Variants in CHRNA1 observed in about 807,000 individuals in gnomAD.
The protein encoded by CHRNA1 is acetylcholine receptor subunit alpha.
In CHRNA1, 35 loss-of-function variants were observed where a neutral mutation model predicts 47.1. That is an observed-to-expected ratio of 0.74 (90% CI 0.57 to 0.99). CHRNA1 has a LOEUF of 0.99. CHRNA1 is among the 50% of genes least tolerant of loss of function. The pLI is 0.00. For synonymous variants in CHRNA1, 229 were observed against 223.6 expected (o/e 1.02, Z -0.22); for missense variants, 506 against 591.1 (o/e 0.86, Z 1.49).
At chr2:174,748,881 G>A (rs1262038022) in intron 7 of CHRNA1, 62 bp from the exon 8 acceptor site, 7 of 1,596,152 alleles carry the variant, frequency 4.4e-6, no homozygotes, top group Non-Finnish European at 5.1e-6. Context: ...ATAAAACTCT[G>A]TCTTTGAATT....
chr2:174,763,920 C>T (rs1391890583), intron 1 of CHRNA1, among the ~76,000 whole-genome samples: 1 of 152,016 alleles, frequency 6.6e-6, no homozygotes, highest in Admixed American at 6.6e-5. Flanking sequence ...TATTAGAATT[C>T]TCCTGGAGCA....
intron 7 of CHRNA1, among the ~76,000 whole-genome samples, chr2:174,749,304 ACTCTTACTCTC>A (rs112824984): frequency 0.02 from 3,065 of 152,246 alleles, 102 homozygotes; most frequent in African/African-American, 0.069. Flanking sequence ...AGAAACAGGG[ACTCTTACTCTC>A]CTCTTAAAAG....
At position 174,754,229 on chromosome 2, in the gene CHRNA1, G is replaced by T. The variant is rs1487449348; in HGVS notation, c.530C>A (p.Ala177Asp). ...GTWTYDGSVV[A>D]INPESDQPDL... The stretch of plus-strand genomic sequence containing the variant: ...GTGGCCACCACCTACCGGGTTGATG[G>T]CCACGACAGAGCCGTCGTAGGTCCA... The change falls in exon 5 of 9, where the codon GCC becomes GAC. Residue 177 changes from alanine (A) to aspartate (D), a missense_variant. Transcript: ENST00000348749. The T allele has an allele frequency of 4.3e-6, 7 of 1,613,382 alleles. No individual in the cohort carries two copies. The Admixed American group carries it at 1.0e-4, about 23-fold the overall frequency.
chr2:174,763,328 G>GCACA (rs754957112), intron 1 of CHRNA1, among the ~76,000 whole-genome samples: 12,109 of 121,424 alleles, frequency 0.1, 498 homozygotes, highest in South Asian at 0.21. Flanking sequence ...GTGCACGCGC[G>GCACA]CGCACACACA....
intron 7 of CHRNA1, among the ~76,000 whole-genome samples, chr2:174,749,651 G>C (rs992104545): frequency 6.6e-6 from 1 of 152,106 alleles, no homozygotes; most frequent in East Asian, 1.9e-4. Context: ...AGAATTTCAC[G>C]GCATTTCAAT....
At chr2:174,757,536 C>G in intron 4 of CHRNA1, 30 bp downstream of exon 4, 1 of 1,550,082 alleles carries the variant, frequency 6.5e-7, no homozygotes, top group East Asian at 2.2e-5. Flanking sequence ...GCCCCAGGAG[C>G]ACCCTCCGCC....
chr2:174,749,589 A>G (rs1024366101), intron 7 of CHRNA1, among the ~76,000 whole-genome samples: 1 of 152,232 alleles, frequency 6.6e-6, no homozygotes, highest in Non-Finnish European at 1.5e-5. Flanking sequence ...TTTCACCAGC[A>G]AAAAATAAGC....
chr2:174,753,473 A>C, intron 6 of CHRNA1, 30 bp downstream of exon 6: 1 of 1,577,908 alleles, frequency 6.3e-7, no homozygotes, highest in Non-Finnish European at 8.7e-7. Flanking sequence ...CATCAGCGTC[A>C]GCAGCAGCAG....
Position 174,748,229 on chromosome 2 carries a change from T to G in CHRNA1, c.1269A>C (p.Ala423=). ...NNAAAEWKYV[A]MVMDHILLGV... Reference sequence around the variant, plus strand: ...CGAGGAGTATGTGGTCCATCACCATTGCAACGTACTTCCACTCTGCCGCCG... The same window carrying G: ...CGAGGAGTATGTGGTCCATCACCATGGCAACGTACTTCCACTCTGCCGCCG... Residue 423 remains alanine (A), a synonymous_variant, in exon 9 of 9, where the codon GCA becomes GCC. Coordinates refer to ENST00000348749, the MANE Select transcript of CHRNA1 (RefSeq NM_000079.4). 3 of 1,614,168 alleles carry G rather than the reference T, an allele frequency of 1.9e-6. No homozygotes were observed. The highest frequency in any genetic ancestry group is 2.5e-6 in the Non-Finnish European group (3 of 1,180,040).
At position 174,759,349 on chromosome 2, in the gene CHRNA1, G is replaced by T; in HGVS notation, c.216C>A (p.Thr72=). The change falls in exon 3 of 9, where the codon ACC becomes ACA. Residue 72 remains threonine, a synonymous_variant. Coordinates refer to ENST00000348749, the MANE Select transcript of CHRNA1 (RefSeq NM_000079.4). ...NVDEVNQIVT[T]NVRLKQQWVD... ...AAGTTACCTGTTTCAGACGCACATTGGTTGTCACGATCTGATTTACTTCAT... is the reference window on the plus strand; with the variant it reads ...AAGTTACCTGTTTCAGACGCACATTTGTTGTCACGATCTGATTTACTTCAT... 1 of 1,613,916 alleles carries T rather than the reference G, an allele frequency of 6.2e-7. No homozygotes were observed. The highest frequency in any genetic ancestry group is 8.5e-7 in the Non-Finnish European group (1 of 1,179,952).
Position 174,753,516 on chromosome 2 carries a change from C to T in CHRNA1, c.765G>A (p.Leu255=), listed in dbSNP as rs372014043. ...FSFLTGLVFY[L]PTDSGEKMTL... ...AACCACACCCACCTGAGTCTGTGGG[C>T]AGGTAGAATACCAGGCCAGTTAAGA... The change falls in exon 6 of 9, where the codon CTG becomes CTA. Residue 255 remains leucine, a synonymous_variant. Transcript: ENST00000348749. 6.8e-6 allele frequency: 11 copies of T among 1,614,008 alleles called. No individual in the cohort carries two copies. The highest frequency in any genetic ancestry group is 9.3e-6 in the Non-Finnish European group (11 of 1,180,014).
intron 1 of CHRNA1, 103 bp from the exon 2 acceptor site, chr2:174,759,736 C>G: frequency 1.4e-6 from 2 of 1,478,366 alleles, no homozygotes; most frequent in Non-Finnish European, 1.8e-6. Flanking sequence ...TCAGTTCCTT[C>G]TAACAGAAGG....
chr2:174,761,227 G>A (rs1684094487), intron 1 of CHRNA1, among the ~76,000 whole-genome samples: 1 of 152,160 alleles, frequency 6.6e-6, no homozygotes, highest in Non-Finnish European at 1.5e-5. Context: ...TCCGTGGGTT[G>A]GGGACTGTGT....
At chr2:174,757,274 C>T (rs1482350764) in intron 4 of CHRNA1, among the ~76,000 whole-genome samples, 2 of 152,072 alleles carry the variant, frequency 1.3e-5, no homozygotes, top group African/African-American at 2.4e-5. Context: ...CATGAGACAC[C>T]ATATGGCACC....
intron 4 of CHRNA1, among the ~76,000 whole-genome samples, chr2:174,755,324 T>A (rs1683959048): frequency 6.6e-6 from 1 of 152,116 alleles, no homozygotes; most frequent in African/African-American, 2.4e-5. Context: ...GTCAGGAAGG[T>A]GCCACCTTGC....
chr2:174,759,295 G>C (rs1426486358), intron 3 of CHRNA1, 36 bp downstream of exon 3: 2 of 1,610,152 alleles, frequency 1.2e-6, no homozygotes, highest in South Asian at 1.1e-5. Flanking sequence ...CAGTGTGAAT[G>C]AAAACGACAC....
chr2:174,748,534 T>C (rs1683779981), intron 8 of CHRNA1, 46 bp downstream of exon 8: 1 of 1,602,312 alleles, frequency 6.2e-7, no homozygotes, highest in Non-Finnish European at 8.5e-7. Flanking sequence ...CTCATACATT[T>C]GACCATTTAA....
intron 4 of CHRNA1, among the ~76,000 whole-genome samples, chr2:174,756,036 CAAAA>C (rs11357910): frequency 2.2e-4 from 31 of 140,830 alleles, no homozygotes; most frequent in Non-Finnish European, 2.3e-4. Flanking sequence ...GACCTTGTCT[CAAAA>C]AAAAAAAAAA....
At chr2:174,757,468 C>G (rs1036761726) in intron 4 of CHRNA1, 98 bp downstream of exon 4, 3 of 852,350 alleles carry the variant, frequency 3.5e-6, no homozygotes, top group Non-Finnish European at 5.9e-6. Flanking sequence ...TTAACATTAG[C>G]AGTGGTGAGA....
Sources: allele counts gnomAD v4.1 joint callset (sites outside exome capture counted in the v4.1 genomes callset), GRCh38; gene constraint gnomAD v4.1.1; transcripts MANE v1.5; gene names NCBI Gene and HGNC (gene_info 2026-07-23, HGNC 2026-07-21).